FMO3: variants seen among roughly 807,000 people sequenced by gnomAD.
The protein encoded by FMO3 is flavin containing dimethylaniline monoxygenase 3, also known as flavin-containing monooxygenase 3.
In FMO3, 40 loss-of-function variants were observed where a neutral mutation model predicts 39.4. The observed-to-expected ratio is 1.02, with a 90% CI of 0.79 to 1.32. The LOEUF (loss-of-function observed/expected upper bound fraction) is 1.32. Ranked by LOEUF, FMO3 falls within the 40% of genes most tolerant of loss-of-function variation. FMO3 has a pLI of 0.00. For synonymous variants in FMO3, 219 were observed against 228.8 expected, an observed-to-expected ratio of 0.96 and a Z score of 0.39; for missense variants, 680 against 651.8, an observed-to-expected ratio of 1.04 and a Z score of -0.47.
chr1:171,095,846 A>C (rs1483279968), intron 2 of FMO3, among the ~76,000 whole-genome samples: 4 of 122,110 alleles, frequency 3.3e-5, no homozygotes, highest in African/African-American at 9.4e-5. Flanking sequence ...ATAAACATAT[A>C]ATTATATATA....
At chr1:171,101,342 C>A in intron 2 of FMO3, 1 of 403,174 alleles carries the variant, frequency 2.5e-6, no homozygotes, top group Non-Finnish European at 4.9e-6. Flanking sequence ...AAACTAATAC[C>A]TTTGGTTTTT....
chr1:171,101,277 A>G (rs1280457580), intron 2 of FMO3: 11 of 451,938 alleles, frequency 2.4e-5, no homozygotes, highest in South Asian at 1.6e-4. Flanking sequence ...CTGTGAATCA[A>G]TTGCTATTAT....
intron 2 of FMO3, among the ~76,000 whole-genome samples, chr1:171,096,285 TATATATCTATTATATATC>T (rs1305534813): frequency 6.7e-5 from 4 of 59,836 alleles, no homozygotes; most frequent in African/African-American, 3.8e-4. Flanking sequence ...TTATATATAT[TATATATCTATTATATATC>T]ATATATAATA....
chr1:171,116,178 A>G (rs1656141270), intron 7 of FMO3, 30 bp from the exon 8 acceptor site: 1 of 1,424,658 alleles, frequency 7.0e-7, no homozygotes, highest in Non-Finnish European at 9.9e-7. Context: ...AGACTCATTA[A>G]TTACCATCGT....
intron 2 of FMO3, chr1:171,099,946 C>T (rs1446147350): frequency 2.0e-5 from 3 of 151,684 alleles, no homozygotes; most frequent in Non-Finnish European, 1.5e-5. Flanking sequence ...CATCACGCCC[C>T]GCTAATTTTT....
intron 2 of FMO3, among the ~76,000 whole-genome samples, chr1:171,096,347 A>G (rs1348645093): frequency 3.2e-5 from 3 of 93,580 alleles, no homozygotes; most frequent in Admixed American, 3.6e-4. Context: ...ATAAATATAT[A>G]TAAATATATA....
At chr1:171,097,133 T>C (rs1217722630) in intron 2 of FMO3, among the ~76,000 whole-genome samples, 2 of 149,496 alleles carry the variant, frequency 1.3e-5, no homozygotes, top group Non-Finnish European at 3.0e-5. Context: ...TCATTTTTTA[T>C]GGCTGCATAG....
Position 171,096,025 on chromosome 1 carries a change from A to ATATATTTATATATAATATATATTT in FMO3, c.132+3235_132+3236insTATATTTATATATAATATATATTT, listed in dbSNP as rs1491256935. On this transcript the variant is annotated intron_variant, in intron 2 of 8. Transcript: ENST00000367755. The stretch of plus-strand genomic sequence containing the variant: ...TATATTAATATACATATTATATATT[A>ATATATTTATATATAATATATATTT]ATATATAATATATATTATATATAAA... Among the ~76,000 whole-genome samples, 160 of 45,972 alleles carry ATATATTTATATATAATATATATTT rather than the reference A, an allele frequency of 3.5e-3. 6 individuals carry two copies. Among genetic ancestry groups the ATATATTTATATATAATATATATTT allele is most frequent in the African/African-American group, 0.015 (153 of 10,190 alleles). The allele number at this position is 45,972 out of a possible 152,430, so 30.2% of individuals were successfully genotyped here. A position where few individuals can be genotyped will look rare whatever the true frequency, so the allele number is the denominator to read the frequency against.
At position 171,117,426 on chromosome 1, in the gene FMO3, T is replaced by C; in HGVS notation, c.1583T>C (p.Phe528Ser). Residue 528 changes from phenylalanine (F) to serine (S), a missense_variant, in exon 9 of 9, where the codon TTC (phenylalanine) becomes TCC (serine). Coordinates refer to ENST00000367755, the MANE Select transcript of FMO3 (RefSeq NM_001002294.3). The stretch of plus-strand genomic sequence containing the variant: ...ATTCCTATTCTGTTAATCGCTGTTT[T>C]CCTTGTGTTGACCTAATCATCATTT... The part of the protein sequence containing the change: ...FAIPILLIAV[F>S]LVLT The C allele has an allele frequency of 6.2e-7, 1 of 1,613,626 alleles. No individual in the cohort carries two copies. The highest frequency in any genetic ancestry group is 8.5e-7 in the Non-Finnish European group (1 of 1,179,710).
intron 7 of FMO3, among the ~76,000 whole-genome samples, chr1:171,115,878 C>T (rs1167934216): frequency 6.6e-6 from 1 of 152,162 alleles, no homozygotes; most frequent in Non-Finnish European, 1.5e-5. Context: ...GAAGATTTTT[C>T]TTCATAAATC....
In FMO3 at chr1:171,114,102, A is replaced by G. The variant is rs2266780; in HGVS notation, c.923A>G (p.Glu308Gly). Reference sequence around the variant, plus strand: ...AAGCCTAACGTGAAGGAATTCACAGAGACCTCGGCCATTTTTGAGGATGGG... The same window carrying G: ...AAGCCTAACGTGAAGGAATTCACAGGGACCTCGGCCATTTTTGAGGATGGG... ...SVKPNVKEFT[E>G]TSAIFEDGTI... Residue 308 changes from glutamate (E) to glycine (G), a missense_variant, in exon 7 of 9, where the codon GAG becomes GGG. Glu to Gly is a moderately conservative substitution (Grantham distance 98, BLOSUM62 -2). Transcript: ENST00000367755. 0.18 allele frequency: 283,479 copies of G among 1,613,186 alleles called. 27,599 individuals are homozygous for G. Among genetic ancestry groups the G allele is most frequent in the Non-Finnish European group, 0.2 (233,033 of 1,179,260 alleles).
intron 5 of FMO3, 127 bp from the exon 6 acceptor site, chr1:171,110,671 A>T (rs568123482): frequency 5.0e-4 from 424 of 852,382 alleles, no homozygotes; most frequent in Non-Finnish European, 7.4e-4. Flanking sequence ...CAGCTGAGAG[A>T]TGTCTTCTGA....
intron 2 of FMO3, among the ~76,000 whole-genome samples, chr1:171,096,041 T>TTATATATTA (rs1557933056): frequency 1.8e-5 from 1 of 56,466 alleles, no homozygotes; most frequent in African/African-American, 1.1e-4. Context: ...TAATATATAT[T>TTATATATTA]ATATATAAAT....
At position 171,095,876 on chromosome 1, in the gene FMO3, ATATAAT is replaced by A. The variant is rs1229623553; in HGVS notation, c.132+3091_132+3096del. On this transcript the variant is annotated intron_variant, in intron 2 of 8. Transcript: ENST00000367755. The stretch of plus-strand genomic sequence containing the variant: ...TATATATAATATAAATATATATAAA[ATATAAT>A]TATATTATATATAATTATAATATGT... Among the ~76,000 whole-genome samples, 392 of 94,536 alleles carry A rather than the reference ATATAAT, an allele frequency of 4.1e-3. 1 individual carries two copies. The highest frequency in any genetic ancestry group is 6.7e-3 in the Non-Finnish European group (332 of 49,486). 62.0% of individuals were successfully genotyped at this position (94,536 alleles called of 152,430 possible). A position where few individuals can be genotyped will look rare whatever the true frequency, so the allele number is the denominator to read the frequency against.
chr1:171,107,627 C>A, intron 3 of FMO3, 48 bp from the exon 4 acceptor site: 1 of 1,544,462 alleles, frequency 6.5e-7, no homozygotes, highest in Non-Finnish European at 8.9e-7. Flanking sequence ...TCTGCCAAAA[C>A]CATTTGCTAG....
intron 8 of FMO3, among the ~76,000 whole-genome samples, chr1:171,116,559 C>T (rs963817700): frequency 6.6e-6 from 1 of 152,122 alleles, no homozygotes; most frequent in Non-Finnish European, 1.5e-5. Flanking sequence ...TAATATATAT[C>T]ATAGAAAGGA....
intron 2 of FMO3, among the ~76,000 whole-genome samples, chr1:171,097,397 A>G (rs1227776535): frequency 9.1e-6 from 1 of 109,866 alleles, no homozygotes; most frequent in African/African-American, 4.5e-5. Context: ...ACTAGTTTAC[A>G]GTCCCACCAA....
rs1656211164 is a variant in FMO3 at position 171,117,365 on chromosome 1, C to T, written c.1522C>T (p.Pro508Ser). 2 of 1,612,686 alleles carry T rather than the reference C, an allele frequency of 1.2e-6. No homozygotes were observed. Among genetic ancestry groups the T allele is most frequent in the Non-Finnish European group, 8.5e-7 (1 of 1,179,466 alleles). Reference sequence around the variant, plus strand: ...ACGAGTGGTCGGGAGACTTCAGAAGCCTTGCTTCTTTTTCCATTGGCTGAA... The same window carrying T: ...ACGAGTGGTCGGGAGACTTCAGAAGTCTTGCTTCTTTTTCCATTGGCTGAA... Reference protein sequence around the residue: ...QTRVVGRLQKPCFFFHWLKLF... With the variant: ...QTRVVGRLQKSCFFFHWLKLF... The change falls in exon 9 of 9, where the codon CCT becomes TCT. Residue 508 changes from proline (P) to serine (S), a missense_variant. Physicochemically the swap from Pro to Ser is moderately conservative, Grantham distance 74. Transcript: ENST00000367755.
At chr1:171,104,921 A>C (rs1022013312) in intron 3 of FMO3, among the ~76,000 whole-genome samples, 2 of 152,116 alleles carry the variant, frequency 1.3e-5, no homozygotes, top group African/African-American at 4.8e-5. Flanking sequence ...AGTGTAAGGA[A>C]AAAATAATCA....
Sources: allele counts gnomAD v4.1 joint callset (sites outside exome capture counted in the v4.1 genomes callset), GRCh38; gene constraint gnomAD v4.1.1; transcripts MANE v1.5; gene names NCBI Gene and HGNC (gene_info 2026-07-23, HGNC 2026-07-21).